Variants in CNTN1 observed in about 807,000 individuals in gnomAD.
CNTN1 encodes contactin-1.
Under a neutral mutation model 126.4 loss-of-function variants are expected in CNTN1, and 38 were observed. The ratio of observed to expected loss-of-function variants is 0.30; its 90% CI spans 0.23 to 0.39. CNTN1 has a LOEUF of 0.39. Among genes scored for constraint, CNTN1 ranks in the 10% least tolerant of loss-of-function variants. The pLI is 1.00. For missense variants in CNTN1, 1,009 were observed against 1,248.4 expected (o/e 0.81, Z 2.89); for synonymous variants, 413 against 422.6 (o/e 0.98, Z 0.28).
intron 1 of CNTN1, among the ~76,000 whole-genome samples, chr12:40,886,514 G>C (rs1944036060): frequency 6.6e-6 from 1 of 152,136 alleles, no homozygotes; most frequent in African/African-American, 2.4e-5. Context: ...CCATCTTGTA[G>C]GTTGCCTGTT....
intron 10 of CNTN1, among the ~76,000 whole-genome samples, chr12:40,937,284 G>A (rs943780557): frequency 3.3e-5 from 5 of 152,028 alleles, no homozygotes; most frequent in African/African-American, 1.2e-4. Flanking sequence ...GGGACAAGTA[G>A]CAGCAGTGGG....
rs79166772 is a variant in CNTN1 at position 40,913,595 on chromosome 12, C to G, written c.94+3490C>G. Among the ~76,000 whole-genome samples the G allele has an allele frequency of 9.1e-3, 1,388 of 152,094 alleles. 19 individuals are homozygous for G. Among genetic ancestry groups the G allele is most frequent in the African/African-American group, 0.032 (1,315 of 41,482 alleles). Reference sequence around the variant, plus strand: ...ATAGACTGGGAAGTGGAGTTTGTCTCAAAAAGTATATAAAATGAATACAAA... The same window carrying G: ...ATAGACTGGGAAGTGGAGTTTGTCTGAAAAAGTATATAAAATGAATACAAA... On this transcript the variant is annotated intron_variant, in intron 3 of 23. Transcript: ENST00000551295.
chr12:40,877,903 C>T (rs1231928194), intron 1 of CNTN1, among the ~76,000 whole-genome samples: 1 of 151,964 alleles, frequency 6.6e-6, no homozygotes, highest in East Asian at 1.9e-4. Context: ...GTAAACTTTC[C>T]CCTCATCATC....
chr12:40,819,025 G>T (rs1223543637), intron 1 of CNTN1, among the ~76,000 whole-genome samples: 1 of 152,180 alleles, frequency 6.6e-6, no homozygotes, highest in Non-Finnish European at 1.5e-5. Flanking sequence ...GATTCAAGGA[G>T]GCTGAAGAGC....
intron 20 of CNTN1, among the ~76,000 whole-genome samples, chr12:41,023,225 A>T (rs1429196903): frequency 6.6e-6 from 1 of 152,198 alleles, no homozygotes; most frequent in Non-Finnish European, 1.5e-5. Flanking sequence ...AAAACATAAA[A>T]TATAAAGCTG....
At chr12:41,010,703 C>T (rs904391062) in intron 17 of CNTN1, among the ~76,000 whole-genome samples, 1 of 152,158 alleles carries the variant, frequency 6.6e-6, no homozygotes, top group Non-Finnish European at 1.5e-5. Context: ...TCAGTCTTTC[C>T]ATAAAGGCTG....
chr12:40,786,962 G>C (rs1331665755), intron 1 of CNTN1, among the ~76,000 whole-genome samples: 2 of 152,034 alleles, frequency 1.3e-5, no homozygotes, highest in Non-Finnish European at 2.9e-5. Flanking sequence ...TAATAAATGA[G>C]TATAAATCTG....
At chr12:40,697,035 TGATA>T in intron 1 of CNTN1, among the ~76,000 whole-genome samples, 1 of 152,358 alleles carries the variant, frequency 6.6e-6, no homozygotes, top group African/African-American at 2.4e-5. Context: ...CAATATTCTA[TGATA>T]GATCTTCAGA....
intron 1 of CNTN1, among the ~76,000 whole-genome samples, chr12:40,739,374 A>G (rs575850563): frequency 3.5e-4 from 53 of 152,206 alleles, no homozygotes; most frequent in South Asian, 3.1e-3. Flanking sequence ...ACAATCCTCT[A>G]AAATGTTCTT....
intron 17 of CNTN1, among the ~76,000 whole-genome samples, chr12:40,998,972 T>G (rs1043288075): frequency 7.9e-5 from 12 of 152,258 alleles, no homozygotes; most frequent in Admixed American, 7.2e-4. Flanking sequence ...TTCATATACT[T>G]TATAATTTTT....
chr12:40,768,502 A>G (rs1236894884), intron 1 of CNTN1, among the ~76,000 whole-genome samples: 1 of 152,242 alleles, frequency 6.6e-6, no homozygotes, highest in African/African-American at 2.4e-5. Context: ...TCTTTTTCTC[A>G]ACTAGGCACT....
chr12:41,043,629 C>G (rs1949472891), intron 23 of CNTN1, among the ~76,000 whole-genome samples: 1 of 152,058 alleles, frequency 6.6e-6, no homozygotes, highest in African/African-American at 2.4e-5. Context: ...TACCATTTGA[C>G]CCAGCCATCC....
chr12:41,053,639 G>A (rs1293990979), intron 23 of CNTN1, among the ~76,000 whole-genome samples: 1 of 150,148 alleles, frequency 6.7e-6, no homozygotes, highest in Non-Finnish European at 1.5e-5. Flanking sequence ...TTGCTCCTGG[G>A]ACTGAAAACT....
chr12:41,036,257 G>A (rs1221018825), intron 23 of CNTN1, among the ~76,000 whole-genome samples: 1 of 152,128 alleles, frequency 6.6e-6, no homozygotes, highest in Non-Finnish European at 1.5e-5. Flanking sequence ...GCCTTTTGGT[G>A]GCAGGAGAGT....
chr12:41,021,269 G>C (rs1234120999), intron 20 of CNTN1, among the ~76,000 whole-genome samples: 1 of 152,026 alleles, frequency 6.6e-6, no homozygotes, highest in Non-Finnish European at 1.5e-5. Flanking sequence ...TCAAAGTTCG[G>C]GGTTTTATTG....
rs182038626 is a variant in CNTN1 at position 40,704,512 on chromosome 12, A to G, written c.-77+11920A>G. ...TTTTTCACAGCTTCTTTGATTTCAC[A>G]GCTTCTTTCTTGATTTTGGCTAAGA... On this transcript the variant is annotated intron_variant, in intron 1 of 23. Coordinates refer to ENST00000551295, the MANE Select transcript of CNTN1 (RefSeq NM_001843.4). 1.1e-4 allele frequency among the ~76,000 whole-genome samples: 17 copies of G among 152,224 alleles called. No homozygotes were observed. The East Asian group carries it at 3.3e-3, about 29-fold the overall frequency.
intron 6 of CNTN1, among the ~76,000 whole-genome samples, chr12:40,927,292 C>T (rs1333260573): frequency 6.6e-6 from 1 of 151,970 alleles, no homozygotes; most frequent in Non-Finnish European, 1.5e-5. Context: ...CTGTGTGGGG[C>T]TAGGAAAGAC....
intron 1 of CNTN1, among the ~76,000 whole-genome samples, chr12:40,814,872 T>C (rs34410595): frequency 0.034 from 5,117 of 152,272 alleles, 120 homozygotes; most frequent in Middle Eastern, 0.11. Flanking sequence ...TTTTATTTCG[T>C]TGAGCAGCAG....
At position 40,707,227 on chromosome 12, in the gene CNTN1, C is replaced by CTTTTT. The variant is rs370984371; in HGVS notation, c.-77+14670_-77+14674dup. Among the ~76,000 whole-genome samples, 102 of 109,130 alleles carry CTTTTT rather than the reference C, an allele frequency of 9.3e-4. 9 individuals carry two copies. The highest frequency in any genetic ancestry group is 2.9e-3 in the African/African-American group (75 of 26,056). The allele number at this position is 109,130 out of a possible 152,430, so 71.6% of individuals were successfully genotyped here. A position where few individuals can be genotyped will look rare whatever the true frequency, so the allele number is the denominator to read the frequency against. On this transcript the variant is annotated intron_variant, in intron 1 of 23. Transcript: ENST00000551295. The stretch of plus-strand genomic sequence containing the variant: ...TTCCTCTTTCATTTCTTTTCTTTTT[C>CTTTTT]TTTTTTTTTTTTTTTTTTTTTTTTT...
Sources: gnomAD v4.1 joint callset for allele counts (sites outside exome capture counted in the v4.1 genomes callset) on GRCh38, gnomAD v4.1.1 for gene constraint, MANE v1.5 for transcripts, NCBI Gene and HGNC (gene_info 2026-07-23, HGNC 2026-07-21) for gene names.